DGKA: variants seen among roughly 807,000 people sequenced by gnomAD.
The protein encoded by DGKA is diacylglycerol kinase alpha.
In DGKA, 35 loss-of-function variants were observed where a neutral mutation model predicts 105.0. The observed-to-expected ratio is 0.33, with a 90% CI of 0.25 to 0.44. DGKA has a LOEUF of 0.44. Among genes scored for constraint, DGKA ranks in the 20% least tolerant of loss-of-function variants. The probability of loss-of-function intolerance (pLI) is 1.00; values close to 1 mark genes in which losing one functional copy is unlikely to be tolerated. For missense variants in DGKA, 665 were observed against 915.0 expected (o/e 0.73, Z 3.53); for synonymous variants, 296 against 332.0 (o/e 0.89, Z 1.18).
chr12:55,953,379 A>T lies in DGKA; in HGVS notation c.2093A>T (p.Asp698Val). Residue 698 changes from aspartate (D) to valine (V), a missense_variant, in exon 23 of 24, where the codon GAC becomes GTC. Asp to Val is a radical substitution (Grantham distance 152). This residue lies in a region of DGKA where 158 missense variants were observed against 213.4 expected (regional missense o/e 0.74). Coordinates refer to ENST00000331886, the MANE Select transcript of DGKA (RefSeq NM_001345.5). ...ACAAAAACCCTTCCCATGCAAATTGACGGAGAACCCTGGATGCAGACGCCC... is the reference window on the plus strand; with the variant it reads ...ACAAAAACCCTTCCCATGCAAATTGTCGGAGAACCCTGGATGCAGACGCCC... The part of the protein sequence containing the change: ...HTTKTLPMQI[D>V]GEPWMQTPCT... The T allele has an allele frequency of 6.2e-7, 1 of 1,614,092 alleles. No individual in the cohort carries two copies.
rs1227782028 is a variant in DGKA, at chr12:55,942,271, G to A, written c.1426+8G>A. ...GCCTAAGATGGGGAGGAGGTAAGTG[G>A]TTAGAAATTGTTTTGCTGTAGGCTG... On this transcript the variant is annotated splice_region_variant and intron_variant, in intron 17 of 23. Transcript: ENST00000331886. 4.3e-6 allele frequency: 7 copies of A among 1,613,886 alleles called. No individual in the cohort carries two copies. Among genetic ancestry groups the A allele is most frequent in the Non-Finnish European group, 5.9e-6 (7 of 1,179,866 alleles).
chr12:55,930,232 G>A (rs979543522), upstream of DGKA, among the ~76,000 whole-genome samples: 4 of 152,060 alleles, frequency 2.6e-5, no homozygotes. Context: ...AGGACTTAGT[G>A]TATAAAAGGC....
Position 55,941,604 on chromosome 12 carries a change from T to C in DGKA, c.1250+20T>C. On this transcript the variant is annotated intron_variant, in intron 15 of 23. Coordinates refer to ENST00000331886, the MANE Select transcript of DGKA (RefSeq NM_001345.5). ...GATAGGGTGAGCACAGGTTAGGGAC[T>C]GTATCACAGTGTTTTCGTGGGTCTG... The C allele has an allele frequency of 6.2e-7, 1 of 1,612,468 alleles. No homozygotes were observed. The highest frequency in any genetic ancestry group is 8.5e-7 in the Non-Finnish European group (1 of 1,178,482).
chr12:55,934,334 T>A (rs1884237386), intron 1 of DGKA, among the ~76,000 whole-genome samples: 1 of 152,168 alleles, frequency 6.6e-6, no homozygotes, highest in African/African-American at 2.4e-5. Context: ...CCATTAGCCA[T>A]AAGACTATTA....
chr12:55,951,551 T>C, intron 17 of DGKA, 72 bp from the exon 18 acceptor site: 6 of 1,511,452 alleles, frequency 4.0e-6, no homozygotes, highest in Non-Finnish European at 5.4e-6. Flanking sequence ...TGGGAATTTG[T>C]GGAGCTGGGA....
At chr12:55,935,823 C>T (rs1884533469) in intron 1 of DGKA, 1 of 955,644 alleles carries the variant, frequency 1.0e-6, no homozygotes, top group African/African-American at 1.8e-5. Flanking sequence ...AGAGCTGGTT[C>T]TGTGTCGCGC....
chr12:55,935,998 G>A lies in DGKA; in HGVS notation c.-81-425G>A, dbSNP rs115323087. ...GAGGGCCGGAACTGCCGGAACTGCC[G>A]AAGACCCGAGATGGGAGAGAGCTCA... is the stretch of plus-strand genomic sequence containing the variant. On this transcript the variant is annotated intron_variant, in intron 1 of 23. Coordinates refer to ENST00000331886, the MANE Select transcript of DGKA (RefSeq NM_001345.5). 1,160 of 989,338 alleles carry A rather than the reference G, an allele frequency of 1.2e-3. 16 individuals are homozygous for A. In the African/African-American group the frequency reaches 0.017, roughly 15 times the overall value. The allele number at this position is 989,338 out of a possible 1,614,324, so 61.3% of individuals were successfully genotyped here.
At position 55,953,914 on chromosome 12, in the gene DGKA, C is replaced by G; in HGVS notation, c.*146C>G. The G allele has an allele frequency of 1.4e-6, 1 of 712,472 alleles. No homozygotes were observed. Among genetic ancestry groups the G allele is most frequent in the Non-Finnish European group, 2.4e-6 (1 of 421,424 alleles). The allele number at this position is 712,472 out of a possible 1,614,324, so 44.1% of individuals were successfully genotyped here. A position where few individuals can be genotyped will look rare whatever the true frequency, so the allele number is the denominator to read the frequency against. ...CCCTCACAGTATTTATTATCCTGCA[C>G]CACCTCACTGTTCCCCATGCGCACA... On this transcript the variant is annotated 3_prime_UTR_variant, in exon 24 of 24. Coordinates refer to ENST00000331886, the MANE Select transcript of DGKA (RefSeq NM_001345.5).
intron 17 of DGKA, 118 bp downstream of exon 17, chr12:55,942,381 A>C: frequency 1.1e-6 from 1 of 923,080 alleles, no homozygotes; most frequent in South Asian, 1.4e-5. Flanking sequence ...AGAGGGGCAC[A>C]GACAGGTGGA....
At chr12:55,950,243 G>T (rs146997085) in intron 17 of DGKA, among the ~76,000 whole-genome samples, 2,552 of 151,450 alleles carry the variant, frequency 0.017, 74 homozygotes, top group African/African-American at 0.058. Flanking sequence ...AAAATGCTGG[G>T]ATTACAGGCA....
Position 55,940,353 on chromosome 12 carries a change from G to A in DGKA, c.838G>A (p.Gly280Arg). The A allele has an allele frequency of 6.2e-7, 1 of 1,614,226 alleles. No homozygotes were observed. The highest frequency in any genetic ancestry group is 8.5e-7 in the Non-Finnish European group (1 of 1,180,044). The change falls in exon 11 of 24, where the codon GGG (glycine) becomes AGG (arginine). Residue 280 changes from glycine (G) to arginine (R), a missense_variant. Physicochemically the swap from Gly to Arg is moderately radical, Grantham distance 125 (BLOSUM62 -2). This residue lies in a region of DGKA where 504 missense variants were observed against 681.2 expected (regional missense o/e 0.74). Coordinates refer to ENST00000331886, the MANE Select transcript of DGKA (RefSeq NM_001345.5). This position sits in a 1 kb window ranked among gnomAD's most constrained non-coding sequence, Gnocchi z 4.3. ...HVWVRGGCES[G>R]RCDRCQKKIR... Reference sequence around the variant, plus strand: ...GTGGGTGCGAGGAGGCTGTGAGTCCGGGCGCTGCGACCGCTGTCAGAAAAA... The same window carrying A: ...GTGGGTGCGAGGAGGCTGTGAGTCCAGGCGCTGCGACCGCTGTCAGAAAAA...
chr12:55,952,512 C>A lies in DGKA; in HGVS notation c.1743+81C>A. 7.0e-7 allele frequency: 1 copy of A among 1,419,910 alleles called. No individual in the cohort carries two copies. The allele number at this position is 1,419,910 out of a possible 1,614,324, so 88.0% of individuals were successfully genotyped here. A position where few individuals can be genotyped will look rare whatever the true frequency, so the allele number is the denominator to read the frequency against. ...TCTCCCTCCATGGCACCCTTAGGAA[C>A]TTCCCATATTCTTGAACCTATGCTT... On this transcript the variant is annotated intron_variant, in intron 20 of 23. Coordinates refer to ENST00000331886, the MANE Select transcript of DGKA (RefSeq NM_001345.5). This position sits in a 1 kb window ranked among gnomAD's most constrained non-coding sequence, Gnocchi z 5.1.
chr12:55,943,575 C>A (rs1886435163), intron 17 of DGKA, among the ~76,000 whole-genome samples: 1 of 152,120 alleles, frequency 6.6e-6, no homozygotes, highest in African/African-American at 2.4e-5. Flanking sequence ...CATGCCCAAC[C>A]CACTTTACCA....
Position 55,940,246 on chromosome 12 carries a change from C to T in DGKA, c.799-68C>T, listed in dbSNP as rs772554275. The stretch of plus-strand genomic sequence containing the variant: ...GCCCTGGCCCTTGGCCCATTGCTGC[C>T]CTCAGCCCCTCCCTCCCCTAGGTCC... On this transcript the variant is annotated intron_variant, in intron 10 of 23. Transcript: ENST00000331886. The surrounding 1 kb of genome is among the most constrained non-coding windows in gnomAD (Gnocchi z 4.3). The T allele has an allele frequency of 8.1e-6, 13 of 1,614,036 alleles. No individual in the cohort carries two copies. The Admixed American group carries it at 1.0e-4, about 12-fold the overall frequency.
chr12:55,928,752 T>C (rs1455333779), upstream of DGKA, among the ~76,000 whole-genome samples: 1 of 148,662 alleles, frequency 6.7e-6, no homozygotes, highest in South Asian at 2.1e-4. Flanking sequence ...TAAGACAAAT[T>C]AGGCCTCAGA....
At chr12:55,939,628 G>A in intron 9 of DGKA, 99 bp downstream of exon 9, 1 of 1,175,710 alleles carries the variant, frequency 8.5e-7, no homozygotes. Flanking sequence ...TTTGAATCCT[G>A]GGCTCTGCCA....
Position 55,953,155 on chromosome 12 carries a change from C to T in DGKA, c.2058C>T (p.Thr686=), listed in dbSNP as rs557204647. The T allele has an allele frequency of 4.9e-5, 79 of 1,614,064 alleles. No individual in the cohort carries two copies. Among genetic ancestry groups the T allele is most frequent in the South Asian group, 4.5e-4 (41 of 91,062 alleles). The stretch of plus-strand genomic sequence containing the variant: ...GGCTGGCCAAGTGCTCTGAGATCAC[C>T]TTCCAGTAAGGAAGACTCCACCAGG... ...GRRLAKCSEI[T]FHTTKTLPMQ... The change falls in exon 22 of 24, where the codon ACC becomes ACT. Residue 686 remains threonine, a synonymous_variant. Transcript: ENST00000331886.
rs151021460 is a variant in DGKA at position 55,938,131 on chromosome 12, C to T, written c.349+79C>T. 4.7e-5 allele frequency: 62 copies of T among 1,324,892 alleles called. No individual in the cohort carries two copies. In the East Asian group the frequency reaches 1.5e-3, roughly 32 times the overall value. The allele number at this position is 1,324,892 out of a possible 1,614,324, so 82.1% of individuals were successfully genotyped here. A position where few individuals can be genotyped will look rare whatever the true frequency, so the allele number is the denominator to read the frequency against. ...TTTCCCATCCTCCTTTCCCTTATTCCTTCAGGATTCCTAAAGGCTGACAGG... is the reference window on the plus strand; with the variant it reads ...TTTCCCATCCTCCTTTCCCTTATTCTTTCAGGATTCCTAAAGGCTGACAGG... On this transcript the variant is annotated intron_variant, in intron 5 of 23. Coordinates refer to ENST00000331886, the MANE Select transcript of DGKA (RefSeq NM_001345.5).
chr12:55,928,785 G>C (rs1485347117), upstream of DGKA, among the ~76,000 whole-genome samples: 8 of 150,448 alleles, frequency 5.3e-5, no homozygotes, highest in Admixed American at 5.3e-4. Context: ...GCCGCAGCTT[G>C]CCTTCCTTCC....
Sources: allele counts gnomAD v4.1 joint callset (sites outside exome capture counted in the v4.1 genomes callset), GRCh38; gene constraint gnomAD v4.1.1; regional missense constraint gnomAD v4.1.1; non-coding constraint Gnocchi (gnomAD v3.1); transcripts MANE v1.5; gene names NCBI Gene and HGNC (gene_info 2026-07-23, HGNC 2026-07-21).